HMCN1: variants seen among roughly 807,000 people sequenced by gnomAD.
The protein encoded by HMCN1 is hemicentin-1.
HMCN1 carries 321 observed loss-of-function variants against 625.9 expected under a neutral mutation model. That is an observed-to-expected ratio of 0.51 (90% CI 0.47 to 0.56). HMCN1 has a LOEUF of 0.56. Among genes scored for constraint, HMCN1 ranks in the 20% least tolerant of loss-of-function variants. The pLI is 0.00. For missense variants in HMCN1, 6,588 were observed against 6,887.3 expected (o/e 0.96, Z 1.54); for synonymous variants, 2,425 against 2,417.6 (o/e 1.00, Z -0.09).
chr1:185,893,985 A>G (rs188562960), intron 4 of HMCN1, among the ~76,000 whole-genome samples: 99 of 152,228 alleles, frequency 6.5e-4, no homozygotes, highest in African/African-American at 2.2e-3. Context: ...ATTACAAAAA[A>G]TTAGCCAGGC....
rs201753912 is a variant in HMCN1 at position 185,864,441 on chromosome 1, G to A, written c.340-29G>A. 1.6e-4 allele frequency: 254 copies of A among 1,609,000 alleles called. No homozygotes were observed. In the African/African-American group the frequency reaches 1.8e-3, roughly 12 times the overall value. On this transcript the variant is annotated intron_variant, in intron 2 of 106. Coordinates refer to ENST00000271588, the MANE Select transcript of HMCN1 (RefSeq NM_031935.3). ...ATATTCAATTGTTTTTGATGATGAC[G>A]TAATTGAATTTTTCTCTCCACTCAA... is the stretch of plus-strand genomic sequence containing the variant.
intron 102 of HMCN1, 139 bp from the exon 103 acceptor site, chr1:186,174,375 C>T: frequency 1.0e-6 from 1 of 961,910 alleles, no homozygotes; most frequent in Non-Finnish European, 1.6e-6. Flanking sequence ...TTTTCTGATT[C>T]CAAGTTGTAA....
At chr1:185,965,756 T>C (rs1650359914) in intron 13 of HMCN1, 46 bp from the exon 14 acceptor site, 2 of 1,027,150 alleles carry the variant, frequency 1.9e-6, no homozygotes, top group South Asian at 2.5e-5. Flanking sequence ...AAAATCCATC[T>C]GGTCTTGTGC....
intron 105 of HMCN1, among the ~76,000 whole-genome samples, chr1:186,183,648 A>G (rs911534637): frequency 6.6e-6 from 1 of 152,182 alleles, no homozygotes; most frequent in Non-Finnish European, 1.5e-5. Context: ...ATGGGCACCC[A>G]TTAGATAATT....
chr1:185,893,234 C>T lies in HMCN1; in HGVS notation c.622-16103C>T, dbSNP rs576186574. ...CTGGCACTCCCTAGTGAGATGAACC[C>T]GGTACATCAGATGGAAATGCAGAAA... On this transcript the variant is annotated intron_variant, in intron 4 of 106. Transcript: ENST00000271588. 7.9e-5 allele frequency among the ~76,000 whole-genome samples: 12 copies of T among 152,298 alleles called. No individual in the cohort carries two copies. The South Asian group carries it at 1.2e-3, about 16-fold the overall frequency.
Position 186,171,481 on chromosome 1 carries a change from G to T in HMCN1, c.15688+31G>T. 2.1e-6 allele frequency: 3 copies of T among 1,454,206 alleles called. No homozygotes were observed. In the South Asian group the frequency reaches 3.4e-5, roughly 17 times the overall value. The allele number at this position is 1,454,206 out of a possible 1,614,324, so 90.1% of individuals were successfully genotyped here. ...AAAAGGGCTTTGAATTTAAAGGAATGACACCTCTATAACTTCTTAATGATG... is the reference window on the plus strand; with the variant it reads ...AAAAGGGCTTTGAATTTAAAGGAATTACACCTCTATAACTTCTTAATGATG... On this transcript the variant is annotated intron_variant, in intron 101 of 106. Transcript: ENST00000271588.
chr1:186,021,841 A>G (rs1406998713), intron 35 of HMCN1, among the ~76,000 whole-genome samples: 1 of 152,106 alleles, frequency 6.6e-6, no homozygotes, highest in Non-Finnish European at 1.5e-5. Flanking sequence ...AACAATATGC[A>G]AGATAGATTA....
intron 71 of HMCN1, among the ~76,000 whole-genome samples, chr1:186,109,445 C>A (rs1660777588): frequency 6.6e-6 from 1 of 152,152 alleles, no homozygotes; most frequent in Admixed American, 6.5e-5. Context: ...TACTAGAATG[C>A]CAGGTGCTAT....
intron 60 of HMCN1, 95 bp from the exon 61 acceptor site, chr1:186,087,837 C>T: frequency 8.2e-7 from 1 of 1,224,852 alleles, no homozygotes; most frequent in Non-Finnish European, 1.2e-6. Context: ...GGGCATTGAG[C>T]ATACAGATGA....
rs1443498893 is a variant in HMCN1, at chr1:185,977,902, A to G, written c.2487A>G (p.Leu829=). 6 of 1,613,290 alleles carry G rather than the reference A, an allele frequency of 3.7e-6. No homozygotes were observed. Among genetic ancestry groups the G allele is most frequent in the Middle Eastern group, 1.6e-4 (1 of 6,076 alleles). ...YPEPTIKWRR[L]DNMPIFSRPF... is the part of the protein sequence containing the mutation. ...AACCAACAATCAAATGGCGAAGATT[A>G]GACAACATGCCAATTTTCTCAAGAC... The change falls in exon 16 of 107, where the codon TTA becomes TTG. Residue 829 remains leucine, a synonymous_variant. Coordinates refer to ENST00000271588, the MANE Select transcript of HMCN1 (RefSeq NM_031935.3).
intron 1 of HMCN1, among the ~76,000 whole-genome samples, chr1:185,749,445 T>A (rs1163516629): frequency 6.6e-6 from 1 of 152,208 alleles, no homozygotes; most frequent in Non-Finnish European, 1.5e-5. Flanking sequence ...ACCTACTGCC[T>A]GCTTAAATCT....
chr1:185,998,657 C>G (rs946838313), intron 25 of HMCN1, among the ~76,000 whole-genome samples: 3 of 152,030 alleles, frequency 2.0e-5, no homozygotes, highest in African/African-American at 7.2e-5. Context: ...CCTTTTCCAC[C>G]TAGAAAAACA....
intron 4 of HMCN1, among the ~76,000 whole-genome samples, chr1:185,900,737 G>A (rs1665758877): frequency 6.6e-6 from 1 of 151,852 alleles, no homozygotes; most frequent in Non-Finnish European, 1.5e-5. Flanking sequence ...TAGTATATTA[G>A]GAGGCTATTT....
intron 1 of HMCN1, among the ~76,000 whole-genome samples, chr1:185,782,675 C>T (rs1273090143): frequency 1.3e-5 from 2 of 152,186 alleles, no homozygotes; most frequent in Non-Finnish European, 2.9e-5. Context: ...AATATTGGCC[C>T]CACTCTCTTC....
intron 1 of HMCN1, among the ~76,000 whole-genome samples, chr1:185,782,445 T>TG (rs1657198439): frequency 6.6e-6 from 1 of 152,248 alleles, no homozygotes; most frequent in Non-Finnish European, 1.5e-5. Context: ...CTAGCCTTGA[T>TG]GGTCTTTACA....
intron 36 of HMCN1, among the ~76,000 whole-genome samples, chr1:186,032,436 T>A (rs1393808224): frequency 6.6e-6 from 1 of 152,136 alleles, no homozygotes; most frequent in Non-Finnish European, 1.5e-5. Context: ...GAGTCATAGT[T>A]CCCATAATAT....
intron 35 of HMCN1, among the ~76,000 whole-genome samples, chr1:186,022,347 T>C (rs1654778318): frequency 6.6e-6 from 1 of 152,142 alleles, no homozygotes; most frequent in Non-Finnish European, 1.5e-5. Flanking sequence ...GGAATGCTTA[T>C]CTTTAACACC....
chr1:186,122,863 T>C, intron 80 of HMCN1, 88 bp from the exon 81 acceptor site: 1 of 1,362,938 alleles, frequency 7.3e-7, no homozygotes, highest in East Asian at 2.3e-5. Flanking sequence ...TTCTTATCAA[T>C]GTTTGCTAGA....
At chr1:186,128,619 A>T (rs1661768316) in intron 83 of HMCN1, among the ~76,000 whole-genome samples, 1 of 151,986 alleles carries the variant, frequency 6.6e-6, no homozygotes, top group African/African-American at 2.4e-5. Context: ...TTCATCACTG[A>T]TCAGTAGATT....
Sources: allele counts gnomAD v4.1 joint callset (sites outside exome capture counted in the v4.1 genomes callset), GRCh38; gene constraint gnomAD v4.1.1; transcripts MANE v1.5; gene names NCBI Gene and HGNC (gene_info 2026-07-23, HGNC 2026-07-21).